TTN: variants seen among roughly 807,000 people sequenced by gnomAD.
TTN encodes titin.
A neutral mutation model predicts 3,223.0 loss-of-function variants in TTN; 1,525 were observed. That is an observed-to-expected ratio of 0.47 (90% confidence interval 0.45 to 0.49). The LOEUF (loss-of-function observed/expected upper bound fraction) is 0.49. TTN is among the 20% of genes least tolerant of loss of function. The pLI is 0.00. For synonymous variants in TTN, 14,094 were observed against 15,161.0 expected (o/e 0.93, Z 5.17); for missense variants, 40,786 against 43,424.0 (o/e 0.94, Z 5.40).
chr2:178,611,512 G>A lies in TTN; in HGVS notation c.50717C>T (p.Pro16906Leu), dbSNP rs1451657059. The change falls in exon 269 of 363, where the codon CCA (proline) becomes CTA (leucine). Residue 16906 changes from proline to leucine, a missense_variant. Physicochemically the swap from Pro to Leu is moderately conservative, Grantham distance 98. Coordinates refer to ENST00000589042, the MANE Select transcript of TTN (RefSeq NM_001267550.2). Reference sequence around the variant, plus strand: ...AACCTTGAATTTCAAGTCCTTTATTGGGCGAGAATTAACTCTCATCCATTT... The same window carrying A: ...AACCTTGAATTTCAAGTCCTTTATTAGGCGAGAATTAACTCTCATCCATTT... ...TEKWMRVNSR[P>L]IKDLKFKVEE... The A allele has an allele frequency of 6.2e-7, 1 of 1,612,864 alleles. No individual in the cohort carries two copies. Among genetic ancestry groups the A allele is most frequent in the East Asian group, 2.2e-5 (1 of 44,696 alleles).
rs756643886 is a variant in TTN at position 178,605,626 on chromosome 2, C to T, written c.53669G>A (p.Gly17890Asp). Residue 17890 changes from glycine (G) to aspartate (D), a missense_variant, in exon 279 of 363, where the codon GGT becomes GAT. Physicochemically the swap from Gly to Asp is moderately conservative, Grantham distance 94. Transcript: ENST00000589042. ...TLDWKEPRSN[G>D]GSPIQGYIIE... Reference sequence around the variant, plus strand: ...GATATATCCTTGGATGGGACTGCCACCATTACTGCGGGGCTCTTTCCAGTC... The same window carrying T: ...GATATATCCTTGGATGGGACTGCCATCATTACTGCGGGGCTCTTTCCAGTC... The T allele has an allele frequency of 6.8e-6, 11 of 1,612,054 alleles. No individual in the cohort carries two copies. The South Asian group carries it at 9.9e-5, about 15-fold the overall frequency.
intron 213 of TTN, among the ~76,000 whole-genome samples, chr2:178,648,862 T>C (rs2062449755): frequency 6.6e-6 from 1 of 152,184 alleles, no homozygotes; most frequent in South Asian, 2.1e-4. Flanking sequence ...TCACTTCCTG[T>C]CTGTATTAGA....
At position 178,541,324 on chromosome 2, in the gene TTN, G is replaced by C; in HGVS notation, c.97753C>G (p.Pro32585Ala). 1 of 1,555,072 alleles carries C rather than the reference G, an allele frequency of 6.4e-7. No homozygotes were observed. Residue 32585 changes from proline (P) to alanine (A), a missense_variant, in exon 350 of 363, where the codon CCA (proline) becomes GCA (alanine). By Grantham distance (27) the Pro-to-Ala change is conservative (BLOSUM62 -1). Coordinates refer to ENST00000589042, the MANE Select transcript of TTN (RefSeq NM_001267550.2). ...ACGATGGGTTTGGAAGGACGACTTG[G>C]TTTCCCAGACCCTCTTGCATTAATG... ...TAINARGSGK[P>A]SRPSKPIVAM...
At chr2:178,602,881 T>C (rs966329791) in intron 282 of TTN, among the ~76,000 whole-genome samples, 4 of 152,016 alleles carry the variant, frequency 2.6e-5, no homozygotes, top group Non-Finnish European at 5.9e-5. Flanking sequence ...AAAACTACTT[T>C]ACTTTTGAGA....
In TTN at chr2:178,537,882, C is replaced by T; in HGVS notation, c.99325G>A (p.Asp33109Asn). ...GCTTCACCCAATTTTGTGGTAACAT[C>T]CTTCATTTCTTTGCGTATTCCTGGG... ...EAPGIRKEMKDVTTKLGEAAQ... is the reference protein window; with the variant it reads ...EAPGIRKEMKNVTTKLGEAAQ... The change falls in exon 355 of 363, where the codon GAT becomes AAT. Residue 33109 changes from aspartate to asparagine, a missense_variant. Physicochemically the swap from Asp to Asn is conservative, Grantham distance 23. Coordinates refer to ENST00000589042, the MANE Select transcript of TTN (RefSeq NM_001267550.2). 6.2e-7 allele frequency: 1 copy of T among 1,612,542 alleles called. No individual in the cohort carries two copies. Among genetic ancestry groups the T allele is most frequent in the Non-Finnish European group, 8.5e-7 (1 of 1,178,966 alleles).
rs1706451609 is a variant in TTN, at chr2:178,567,735, C to T, written c.78397G>A (p.Gly26133Ser). The stretch of plus-strand genomic sequence containing the variant: ...GTAAAGCTAGCTTTCATCCAACGAC[C>T]ATCAGGCAAATCACGTTTCTCTACA... Reference protein sequence around the residue: ...YIVEKRDLPDGRWMKASFTNV... With the variant: ...YIVEKRDLPDSRWMKASFTNV... Residue 26133 changes from glycine (G) to serine (S), a missense_variant, in exon 326 of 363, where the codon GGT becomes AGT. Physicochemically the swap from Gly to Ser is moderately conservative, Grantham distance 56. Coordinates refer to ENST00000589042, the MANE Select transcript of TTN (RefSeq NM_001267550.2). 1 of 1,612,704 alleles carries T rather than the reference C, an allele frequency of 6.2e-7. No homozygotes were observed. The highest frequency in any genetic ancestry group is 8.5e-7 in the Non-Finnish European group (1 of 1,179,004).
rs1400428454 is a variant in TTN at position 178,602,417 on chromosome 2, TAA to T, written c.54983_54984del (p.Leu18328HisfsTer5). 6.2e-7 allele frequency: 1 copy of T among 1,612,682 alleles called. No homozygotes were observed. Among genetic ancestry groups the T allele is most frequent in the East Asian group, 2.2e-5 (1 of 44,676 alleles). ...DWKRVNEPDK[L>X]ITTCECVVPN... The stretch of plus-strand genomic sequence containing the variant: ...GGCACCACACATTCACAGGTAGTTA[TAA>T]GTTTGTCTGGTTCATTTACTCTTTT... On this transcript the variant is annotated frameshift_variant, in exon 283 of 363. Coordinates refer to ENST00000589042, the MANE Select transcript of TTN (RefSeq NM_001267550.2). LOFTEE classifies it high-confidence loss of function.
In TTN at chr2:178,573,971, G is replaced by A; in HGVS notation, c.72161C>T (p.Ser24054Leu). ...TTCCATTGTTGGAGGTGGGCGGCCT[G>A]AAACATCAGCTTCCAGTCTGAATGC... ...GEAFRLEADV[S>L]GRPPPTMEWS... Residue 24054 changes from serine (S) to leucine (L), a missense_variant, in exon 326 of 363, where the codon TCA becomes TTA. Coordinates refer to ENST00000589042, the MANE Select transcript of TTN (RefSeq NM_001267550.2). 1.2e-6 allele frequency: 2 copies of A among 1,613,356 alleles called. No individual in the cohort carries two copies. The highest frequency in any genetic ancestry group is 1.7e-6 in the Non-Finnish European group (2 of 1,179,592).
chr2:178,602,149 C>G lies in TTN; in HGVS notation c.55122G>C (p.Glu18374Asp). Residue 18374 changes from glutamate (E) to aspartate (D), a missense_variant and splice_region_variant, in exon 284 of 363, where the codon GAG becomes GAC. Physicochemically the swap from Glu to Asp is conservative, Grantham distance 45 (BLOSUM62 2). Coordinates refer to ENST00000589042, the MANE Select transcript of TTN (RefSeq NM_001267550.2). ...TGEIPATDIQEEPEVFIDIGA... is the reference protein window; with the variant it reads ...TGEIPATDIQDEPEVFIDIGA... ...CAATGTCAATGAAAACTTCTGGTTC[C>G]TCTGTAATACCACATACAATTTAAC... 1 of 1,602,188 alleles carries G rather than the reference C, an allele frequency of 6.2e-7. No individual in the cohort carries two copies.
chr2:178,645,828 T>G, intron 217 of TTN, 92 bp downstream of exon 217: 1 of 775,892 alleles, frequency 1.3e-6, no homozygotes. Flanking sequence ...TACACACTTC[T>G]AAAAGTCATA....
rs760691307 is a variant in TTN at position 178,554,767 on chromosome 2, A to C, written c.88595-15T>G. 1.9e-6 allele frequency: 3 copies of C among 1,612,736 alleles called. No individual in the cohort carries two copies. The highest frequency in any genetic ancestry group is 1.7e-5 in the Admixed American group (1 of 59,694). On this transcript the variant is annotated splice_polypyrimidine_tract_variant and intron_variant, in intron 331 of 362. Coordinates refer to ENST00000589042, the MANE Select transcript of TTN (RefSeq NM_001267550.2). ...GCCTGGTTTGTCTATCAGTGAAAGG[A>C]CAAAACACGATGTTAGTACTTCTTT...
chr2:178,750,460 A>T (rs923904530), intron 47 of TTN: 1 of 1,612,920 alleles, frequency 6.2e-7, no homozygotes, highest in Admixed American at 1.7e-5. Flanking sequence ...TTGGCATGTC[A>T]TTGTTATACC....
In TTN at chr2:178,599,672, T is replaced by C; in HGVS notation, c.56229A>G (p.Val18743=). 6.2e-7 allele frequency: 1 copy of C among 1,613,100 alleles called. No homozygotes were observed. The highest frequency in any genetic ancestry group is 8.5e-7 in the Non-Finnish European group (1 of 1,179,376). ...GAATAACTAAAGTGCAAGTATCATC[T>C]ACCACCAGTTTGTTGACATGGGTGT... ...LYDTHVNKLV[V]DDTCTLVIPQ... The change falls in exon 289 of 363, where the codon GTA becomes GTG. Residue 18743 remains valine (V), a synonymous_variant. Transcript: ENST00000589042.
Position 178,738,123 on chromosome 2 carries a change from T to A in TTN, c.14330A>T (p.Glu4777Val). Residue 4777 changes from glutamate to valine, a missense_variant, in exon 49 of 363, where the codon GAG becomes GTG. Coordinates refer to ENST00000589042, the MANE Select transcript of TTN (RefSeq NM_001267550.2). ...CGEYTCKASN[E>V]YGSVSCTATL... ...GGCTGTACAGCTGACACTGCCATAC[T>A]CATTGGAAGCTTTGCATGTATACTC... The A allele has an allele frequency of 6.2e-7, 1 of 1,613,826 alleles. No homozygotes were observed. Among genetic ancestry groups the A allele is most frequent in the Non-Finnish European group, 8.5e-7 (1 of 1,179,760 alleles).
In TTN at chr2:178,757,525, A is replaced by G; in HGVS notation, c.10678+17T>C. On this transcript the variant is annotated intron_variant, in intron 45 of 362. Transcript: ENST00000589042. Reference sequence around the variant, plus strand: ...GTATACAGCAAATCAAAGTCCTTGAAGCAAGATGGGCTTTACCTTTTGGAG... The same window carrying G: ...GTATACAGCAAATCAAAGTCCTTGAGGCAAGATGGGCTTTACCTTTTGGAG... 1 of 1,528,908 alleles carries G rather than the reference A, an allele frequency of 6.5e-7. No homozygotes were observed. Among genetic ancestry groups the G allele is most frequent in the East Asian group, 2.3e-5 (1 of 44,100 alleles). 94.7% of individuals were successfully genotyped at this position (1,528,908 alleles called of 1,614,324 possible). A position where few individuals can be genotyped will look rare whatever the true frequency, so the allele number is the denominator to read the frequency against.
At chr2:178,698,566 G>A (rs2074143974) in intron 112 of TTN, among the ~76,000 whole-genome samples, 1 of 152,080 alleles carries the variant, frequency 6.6e-6, no homozygotes, top group African/African-American at 2.4e-5. Flanking sequence ...TGGATTTCTG[G>A]GCAAGACCTT....
chr2:178,764,114 A>G lies in TTN; in HGVS notation c.10114+63T>C. ...TTTGTGATGGAGGAGAAGCTGACAG[A>G]ATGTTTTTCCCATGTAATTATTTGT... On this transcript the variant is annotated intron_variant, in intron 43 of 362. Coordinates refer to ENST00000589042, the MANE Select transcript of TTN (RefSeq NM_001267550.2). 1.9e-6 allele frequency: 3 copies of G among 1,611,360 alleles called. No individual in the cohort carries two copies. The South Asian group carries it at 3.3e-5, about 18-fold the overall frequency.
At chr2:178,751,898 T>C (rs1395032053) in intron 47 of TTN, 2 of 1,603,230 alleles carry the variant, frequency 1.2e-6, no homozygotes, top group Admixed American at 1.7e-5. Context: ...AGGCTTAAAA[T>C]ATTCAGGCCA....
At position 178,570,893 on chromosome 2, in the gene TTN, C is replaced by T. The variant is rs543598247; in HGVS notation, c.75239G>A (p.Arg25080Gln). Residue 25080 changes from arginine (R) to glutamine (Q), a missense_variant, in exon 326 of 363, where the codon CGG becomes CAG. By Grantham distance (43) the Arg-to-Gln change is conservative. Transcript: ENST00000589042. ...TCCTGCGGCATTTCGGGCTATAACC[C>T]GGAACTCATATCTGTGATCTTCAAC... ...GLVEDHRYEF[R>Q]VIARNAAGVF... 1.7e-5 allele frequency: 27 copies of T among 1,613,454 alleles called. No individual in the cohort carries two copies. The highest frequency in any genetic ancestry group is 1.7e-4 in the Middle Eastern group (1 of 6,054).
Sources: allele counts gnomAD v4.1 joint callset (sites outside exome capture counted in the v4.1 genomes callset), GRCh38; gene constraint gnomAD v4.1.1; transcripts MANE v1.5; gene names NCBI Gene and HGNC (gene_info 2026-07-23, HGNC 2026-07-21).